The following SMAD1 variants were observed in gnomAD, a reference collection of about 807,000 sequenced individuals.
The protein encoded by SMAD1 is MAD, mothers against decapentaplegic homolog 1.
Under a neutral mutation model 41.6 loss-of-function variants are expected in SMAD1, and 6 were observed. The ratio of observed to expected loss-of-function variants is 0.14; its 90% confidence interval spans 0.08 to 0.28. The LOEUF is 0.28. Among genes scored for constraint, SMAD1 ranks in the 10% least tolerant of loss-of-function variants. The pLI is 1.00. For missense variants in SMAD1, 379 were observed against 582.6 expected (o/e 0.65, Z 3.60); for synonymous variants, 206 against 203.2 (o/e 1.01, Z -0.12).
intron 2 of SMAD1, among the ~76,000 whole-genome samples, chr4:145,516,859 A>G (rs1032128511): frequency 1.3e-5 from 2 of 152,100 alleles, no homozygotes; most frequent in Non-Finnish European, 2.9e-5. Context: ...TTTTAATTCT[A>G]CTCCATATGC....
At chr4:145,500,976 A>G (rs960823928) in intron 1 of SMAD1, among the ~76,000 whole-genome samples, 1 of 152,202 alleles carries the variant, frequency 6.6e-6, no homozygotes, top group Non-Finnish European at 1.5e-5. Flanking sequence ...TGTTTTCTTC[A>G]AAGTACAGCT....
At chr4:145,500,462 C>G (rs1214983922) in intron 1 of SMAD1, among the ~76,000 whole-genome samples, 1 of 152,134 alleles carries the variant, frequency 6.6e-6, no homozygotes, top group Non-Finnish European at 1.5e-5. Context: ...CCAAATGGCT[C>G]AAATGGCTTT....
chr4:145,486,466 T>A (rs986257856), intron 1 of SMAD1, among the ~76,000 whole-genome samples: 1 of 152,186 alleles, frequency 6.6e-6, no homozygotes, highest in African/African-American at 2.4e-5. Flanking sequence ...TTGGGGATTT[T>A]TAAAAAAACA....
At chr4:145,554,508 T>A (rs1732731501) in intron 6 of SMAD1, among the ~76,000 whole-genome samples, 1 of 152,144 alleles carries the variant, frequency 6.6e-6, no homozygotes, top group Non-Finnish European at 1.5e-5. Flanking sequence ...CATTGGAAAT[T>A]GTGTTTGGTC....
At chr4:145,548,563 A>G (rs971471869) in intron 5 of SMAD1, among the ~76,000 whole-genome samples, 3 of 152,180 alleles carry the variant, frequency 2.0e-5, no homozygotes, top group Admixed American at 1.3e-4. Context: ...CCATTGAAAA[A>G]CAATACAAAT....
At chr4:145,517,456 A>G (rs1231415899) in intron 2 of SMAD1, among the ~76,000 whole-genome samples, 3 of 152,048 alleles carry the variant, frequency 2.0e-5, no homozygotes, top group East Asian at 3.9e-4. Context: ...CTCATTTCCC[A>G]TAGCAACCTG....
intron 4 of SMAD1, chr4:145,546,436 T>C: frequency 2.2e-6 from 1 of 450,244 alleles, no homozygotes; most frequent in South Asian, 3.0e-5. Context: ...GCAAAAGTTT[T>C]TGCTGTGCTT....
At chr4:145,520,203 C>G (rs1421020577) in intron 2 of SMAD1, among the ~76,000 whole-genome samples, 2 of 152,186 alleles carry the variant, frequency 1.3e-5, no homozygotes, top group African/African-American at 4.8e-5. Context: ...ATCCAGCAGT[C>G]TCACAACTGG....
At chr4:145,481,530 C>A (rs1728168590), upstream of SMAD1, 1 of 152,188 alleles carries the variant, frequency 6.6e-6, no homozygotes, top group African/African-American at 2.4e-5. Flanking sequence ...TAAGTCCGCT[C>A]CACCGGGACT....
At chr4:145,527,199 A>G (rs1034229364) in intron 2 of SMAD1, among the ~76,000 whole-genome samples, 10 of 151,874 alleles carry the variant, frequency 6.6e-5, no homozygotes, top group African/African-American at 2.4e-4. Context: ...CACTGTGCTT[A>G]TCACTTACCA....
chr4:145,497,769 G>A (rs1389618191), intron 1 of SMAD1: 1 of 152,212 alleles, frequency 6.6e-6, no homozygotes, highest in Non-Finnish European at 1.5e-5. Flanking sequence ...TATAGGTGAT[G>A]CTTGCTTATA....
intron 1 of SMAD1, among the ~76,000 whole-genome samples, chr4:145,494,579 TGAACAGCTACCACCACAAA>T (rs1578740726): frequency 6.6e-6 from 1 of 152,220 alleles, no homozygotes; most frequent in East Asian, 1.9e-4. Flanking sequence ...CAAAATCGTG[TGAACAGCTACCACCACAAA>T]GATGCCTGGG....
At chr4:145,538,122 T>C (rs1460344319) in intron 2 of SMAD1, among the ~76,000 whole-genome samples, 1 of 152,184 alleles carries the variant, frequency 6.6e-6, no homozygotes, top group Non-Finnish European at 1.5e-5. Context: ...AAAAGGCAAG[T>C]TGGGAAATGG....
chr4:145,496,584 T>C (rs1451563077), intron 1 of SMAD1, among the ~76,000 whole-genome samples: 1 of 151,816 alleles, frequency 6.6e-6, no homozygotes, highest in East Asian at 1.9e-4. Flanking sequence ...CAACCAAAAG[T>C]GGATAGAAAA....
At chr4:145,546,542 G>A in intron 4 of SMAD1, 161 bp from the exon 5 acceptor site, 7 of 622,864 alleles carry the variant, frequency 1.1e-5, no homozygotes, top group Non-Finnish European at 2.0e-5. Flanking sequence ...ATATTAAGAA[G>A]TACCTGCTTT....
intron 1 of SMAD1, chr4:145,497,633 G>T (rs1729163905): frequency 6.6e-6 from 1 of 152,210 alleles, no homozygotes; most frequent in Admixed American, 6.5e-5. Context: ...TGAGAATATT[G>T]TCTTGGGTTT....
chr4:145,515,202 C>G (rs1008270164), intron 2 of SMAD1, among the ~76,000 whole-genome samples, 189 bp downstream of exon 2: 1 of 147,424 alleles, frequency 6.8e-6, no homozygotes, highest in Non-Finnish European at 1.5e-5. Context: ...GAGAGAAAGC[C>G]CCTGAGTGTT....
At chr4:145,495,763 G>A (rs1729038108) in intron 1 of SMAD1, among the ~76,000 whole-genome samples, 1 of 146,648 alleles carries the variant, frequency 6.8e-6, no homozygotes, top group African/African-American at 2.6e-5. Flanking sequence ...CTACAGGCAT[G>A]CACCACAGTG....
chr4:145,484,007 A>G (rs1271083515), intron 1 of SMAD1, among the ~76,000 whole-genome samples: 1 of 152,180 alleles, frequency 6.6e-6, no homozygotes, highest in Non-Finnish European at 1.5e-5. Flanking sequence ...TCATTAAGGC[A>G]TTAAGAGGAA....
Sources: allele counts gnomAD v4.1 joint callset (sites outside exome capture counted in the v4.1 genomes callset), GRCh38; gene constraint gnomAD v4.1.1; transcripts MANE v1.5; gene names NCBI Gene and HGNC (gene_info 2026-07-23, HGNC 2026-07-21).